ZNF385D: variants seen among roughly 807,000 people sequenced by gnomAD.
ZNF385D encodes zinc finger protein 385D.
A neutral mutation model predicts 35.8 loss-of-function variants in ZNF385D; 15 were observed. The ratio of observed to expected loss-of-function variants is 0.42; its 90% confidence interval spans 0.28 to 0.64. ZNF385D has a LOEUF of 0.64. Among genes scored for constraint, ZNF385D ranks in the 30% least tolerant of loss-of-function variants. The probability of loss-of-function intolerance (pLI) is 0.23; values close to 1 mark genes in which losing one functional copy is unlikely to be tolerated. For missense variants in ZNF385D, 474 were observed against 494.6 expected (o/e 0.96, Z 0.39); for synonymous variants, 212 against 186.8 (o/e 1.13, Z -1.10).
intron 3 of ZNF385D, among the ~76,000 whole-genome samples, chr3:22,120,547 A>C (rs962132869): frequency 6.6e-6 from 1 of 152,148 alleles, no homozygotes; most frequent in Non-Finnish European, 1.5e-5. Context: ...AATACACAGC[A>C]CAACACTTAA....
intron 3 of ZNF385D, among the ~76,000 whole-genome samples, chr3:21,811,584 T>C (rs1006872886): frequency 1.3e-5 from 2 of 152,176 alleles, no homozygotes; most frequent in African/African-American, 4.8e-5. Context: ...GTTTCCAATG[T>C]ATGGCGATAA....
Position 21,681,298 on chromosome 3 carries a change from TAA to T in ZNF385D, c.23-16272_23-16271del, listed in dbSNP as rs55872870. 3.7e-3 allele frequency among the ~76,000 whole-genome samples: 240 copies of T among 64,468 alleles called. 2 individuals are homozygous for T. Among genetic ancestry groups the T allele is most frequent in the African/African-American group, 0.012 (208 of 17,836 alleles). 42.3% of individuals were successfully genotyped at this position (64,468 alleles called of 152,430 possible). ...AGCCTATGTGAATATATTCCATCAG[TAA>T]AAAAAAAAAAAAAAAAAAAAAAAAC... On this transcript the variant is annotated intron_variant, in intron 1 of 7. Transcript: ENST00000281523.
rs577231154 is a variant in ZNF385D at position 22,161,403 on chromosome 3, G to A, written c.325+7414C>T. Among the ~76,000 whole-genome samples the A allele has an allele frequency of 3.3e-5, 5 of 151,966 alleles. No homozygotes were observed. The South Asian group carries it at 1.0e-3, about 32-fold the overall frequency. ...GTATATATTAAACCATTTTATAACAGCAGAAAAATAATCTTTATTTGTAAA... is the reference window on the plus strand; with the variant it reads ...GTATATATTAAACCATTTTATAACAACAGAAAAATAATCTTTATTTGTAAA... On this transcript the variant is annotated intron_variant, in intron 3 of 5. Transcript: ENST00000494108.
chr3:22,124,712 GTCT>G (rs1035971121), intron 3 of ZNF385D, among the ~76,000 whole-genome samples: 5 of 152,082 alleles, frequency 3.3e-5, no homozygotes, highest in Non-Finnish European at 5.9e-5. Context: ...CTATTTGTAT[GTCT>G]TTTTTGCGAA....
At chr3:22,010,481 A>C (rs1696502724) in intron 3 of ZNF385D, among the ~76,000 whole-genome samples, 1 of 152,200 alleles carries the variant, frequency 6.6e-6, no homozygotes, top group Non-Finnish European at 1.5e-5. Flanking sequence ...AAGATAAATC[A>C]AGAGACACCT....
At chr3:21,622,064 G>C (rs945790514) in intron 2 of ZNF385D, among the ~76,000 whole-genome samples, 1 of 152,006 alleles carries the variant, frequency 6.6e-6, no homozygotes, top group South Asian at 2.1e-4. Flanking sequence ...CTAATAAAAG[G>C]TGCAATTTCT....
chr3:22,350,430 G>A (rs954487774), intron 2 of ZNF385D, among the ~76,000 whole-genome samples: 1 of 152,014 alleles, frequency 6.6e-6, no homozygotes, highest in African/African-American at 2.4e-5. Context: ...AAATATTGAC[G>A]ATAAAATATA....
intron 3 of ZNF385D, among the ~76,000 whole-genome samples, chr3:21,890,445 C>T (rs922754211): frequency 6.6e-6 from 1 of 151,976 alleles, no homozygotes; most frequent in Non-Finnish European, 1.5e-5. Context: ...ATGGTGAAAC[C>T]CCATCTCTAC....
At chr3:22,077,388 G>A (rs1327208162) in intron 3 of ZNF385D, among the ~76,000 whole-genome samples, 5 of 151,894 alleles carry the variant, frequency 3.3e-5, no homozygotes, top group Admixed American at 1.3e-4. Flanking sequence ...AGACACAAAA[G>A]AGAAAATGAA....
At chr3:22,046,296 A>G (rs1699003115) in intron 3 of ZNF385D, among the ~76,000 whole-genome samples, 1 of 147,434 alleles carries the variant, frequency 6.8e-6, no homozygotes, top group Non-Finnish European at 1.5e-5. Flanking sequence ...TTCATTAACC[A>G]TATGTTACCA....
chr3:22,354,944 T>C (rs1439082443), intron 2 of ZNF385D, among the ~76,000 whole-genome samples: 2 of 152,020 alleles, frequency 1.3e-5, no homozygotes. Flanking sequence ...AACACAGATA[T>C]AGGAAGAACA....
intron 3 of ZNF385D, among the ~76,000 whole-genome samples, chr3:22,096,666 C>T (rs531690357): frequency 1.8e-4 from 28 of 152,180 alleles, no homozygotes; most frequent in African/African-American, 6.3e-4. Flanking sequence ...CACCCCTGTA[C>T]TGCACAATCT....
intron 3 of ZNF385D, among the ~76,000 whole-genome samples, chr3:22,004,446 T>G (rs530957688): frequency 6.6e-6 from 1 of 152,078 alleles, no homozygotes; most frequent in Non-Finnish European, 1.5e-5. Context: ...TATATTAAAC[T>G]AAAAAGCTTT....
At chr3:22,366,310 G>C (rs930774052) in intron 2 of ZNF385D, among the ~76,000 whole-genome samples, 2 of 152,016 alleles carry the variant, frequency 1.3e-5, no homozygotes, top group African/African-American at 4.8e-5. Flanking sequence ...TTTATACACT[G>C]GTCTTTACAC....
At chr3:22,194,320 C>G (rs926781497) in intron 2 of ZNF385D, among the ~76,000 whole-genome samples, 10 of 151,616 alleles carry the variant, frequency 6.6e-5, no homozygotes, top group African/African-American at 2.4e-4. Context: ...TATATTTACC[C>G]TAGGGCTTTG....
At chr3:21,867,377 C>T (rs1322891136) in intron 3 of ZNF385D, among the ~76,000 whole-genome samples, 2 of 152,108 alleles carry the variant, frequency 1.3e-5, no homozygotes, top group Non-Finnish European at 2.9e-5. Context: ...AGAGGTGGGA[C>T]TCAGGCCTCA....
intron 2 of ZNF385D, among the ~76,000 whole-genome samples, chr3:21,581,271 T>C (rs553165831): frequency 6.6e-6 from 1 of 152,324 alleles, no homozygotes; most frequent in Non-Finnish European, 1.5e-5. Flanking sequence ...CTTCAGTCTT[T>C]ATCACTTGTA....
At chr3:21,850,962 C>T (rs1004120900) in intron 3 of ZNF385D, among the ~76,000 whole-genome samples, 1 of 151,492 alleles carries the variant, frequency 6.6e-6, no homozygotes, top group Non-Finnish European at 1.5e-5. Context: ...ATTTGGCATC[C>T]AATAAAAATA....
At chr3:21,685,092 C>G (rs375927006) in intron 1 of ZNF385D, among the ~76,000 whole-genome samples, 2 of 152,220 alleles carry the variant, frequency 1.3e-5, no homozygotes, top group East Asian at 3.9e-4. Context: ...ACGTTTTTAA[C>G]GCTAAGAAAA....
Sources: allele counts gnomAD v4.1 joint callset (sites outside exome capture counted in the v4.1 genomes callset), GRCh38; gene constraint gnomAD v4.1.1; transcripts MANE v1.5; gene names NCBI Gene and HGNC (gene_info 2026-07-23, HGNC 2026-07-21).